MROH1: variants seen among roughly 807,000 people sequenced by gnomAD.
The protein encoded by MROH1 is maestro heat-like repeat-containing protein family member 1.
MROH1 carries 117 observed loss-of-function variants against 116.5 expected under a neutral mutation model. That is an observed-to-expected ratio of 1.00 (90% CI 0.86 to 1.17). The LOEUF (loss-of-function observed/expected upper bound fraction) is 1.17. MROH1 is among the 50% of genes most tolerant of loss of function. MROH1 has a pLI of 0.00. For missense variants in MROH1, 1,873 were observed against 1,338.5 expected (o/e 1.40, Z -6.23); for synonymous variants, 921 against 583.9 (o/e 1.58, Z -8.32).
chr8:144,260,652 G>C lies in MROH1; in HGVS notation c.4381-25G>C, dbSNP rs915982042. The C allele has an allele frequency of 1.2e-5, 9 of 776,500 alleles. No individual in the cohort carries two copies. The Admixed American group carries it at 1.2e-4, about 10-fold the overall frequency. 48.1% of individuals were successfully genotyped at this position (776,500 alleles called of 1,614,324 possible). ...CCTGCAGGGGCACAGCCTGTGAGGAGACGTATGCTGCATGTCCTTCCCAGG... is the reference window on the plus strand; with the variant it reads ...CCTGCAGGGGCACAGCCTGTGAGGACACGTATGCTGCATGTCCTTCCCAGG... On this transcript the variant is annotated intron_variant, in intron 39 of 43. Coordinates refer to ENST00000326134, the MANE Select transcript of MROH1 (RefSeq NM_032450.3).
rs1323197798 is a variant in MROH1, at chr8:144,190,980, TCTC to T, written c.714+50_714+52del. 3 of 1,568,958 alleles carry T rather than the reference TCTC, an allele frequency of 1.9e-6. No individual in the cohort carries two copies. The Admixed American group carries it at 5.3e-5, about 28-fold the overall frequency. On this transcript the variant is annotated intron_variant, in intron 8 of 43. Coordinates refer to ENST00000326134, the MANE Select transcript of MROH1 (RefSeq NM_032450.3). The stretch of plus-strand genomic sequence containing the variant: ...CAGTCCACGCCTGATGCCAGGGCTC[TCTC>T]CTCCCCACATTCCCTGCCCGTGGCA...
chr8:144,163,820 C>G lies in MROH1; in HGVS notation c.-7C>G, dbSNP rs779590236. ...CACACTGGGTGAAGGAAGCTGAAAC[C>G]ACAGACATGACTGAGTCCTCCATGA... On this transcript the variant is annotated 5_prime_UTR_variant, in exon 3 of 44. Transcript: ENST00000326134. This position sits in a 1 kb window ranked among gnomAD's most constrained non-coding sequence, Gnocchi z 4.4. 2.5e-6 allele frequency: 4 copies of G among 1,613,480 alleles called. No individual in the cohort carries two copies. The highest frequency in any genetic ancestry group is 3.4e-6 in the Non-Finnish European group (4 of 1,179,618).
chr8:144,185,514 C>T (rs1478060693), intron 7 of MROH1, among the ~76,000 whole-genome samples: 1 of 105,360 alleles, frequency 9.5e-6, no homozygotes, highest in African/African-American at 3.6e-5. Flanking sequence ...AGGGGTGGCG[C>T]GGGGACCGCG....
At chr8:144,155,702 C>G (rs1817879501) in intron 1 of MROH1, among the ~76,000 whole-genome samples, 1 of 148,040 alleles carries the variant, frequency 6.8e-6, no homozygotes, top group Non-Finnish European at 1.5e-5. Context: ...TGCACGATCT[C>G]AGCTCACTGC....
intron 7 of MROH1, among the ~76,000 whole-genome samples, chr8:144,189,783 G>A (rs556578669): frequency 3.7e-4 from 56 of 152,276 alleles, no homozygotes; most frequent in African/African-American, 1.3e-3. Context: ...AGAATGTGTG[G>A]CACAAGTCTG....
At chr8:144,185,697 G>A (rs1354258484) in intron 7 of MROH1, among the ~76,000 whole-genome samples, 1 of 53,630 alleles carries the variant, frequency 1.9e-5, no homozygotes. Flanking sequence ...GCAGTGCGGG[G>A]ACCGTGGGGG....
chr8:144,210,698 CTCTA>C (rs965249974), intron 12 of MROH1, among the ~76,000 whole-genome samples: 15 of 103,928 alleles, frequency 1.4e-4, no homozygotes, highest in Non-Finnish European at 3.1e-4. Context: ...CTCTCTCTCT[CTCTA>C]TCTCTCTATA....
chr8:144,241,240 C>T (rs908765400), intron 21 of MROH1, 129 bp downstream of exon 21: 9 of 689,864 alleles, frequency 1.3e-5, no homozygotes, highest in Non-Finnish European at 2.1e-5. Flanking sequence ...AGGTGGTGTG[C>T]GTATATGCAG....
rs538203440 is a variant in MROH1 at position 144,256,336 on chromosome 8, C to T, written c.3791+631C>T. ...GGGCTCTGGTTCCATCCCACCCAGG[C>T]GCCCAGGTTTGGGTGTGCACCTTGG... On this transcript the variant is annotated intron_variant, in intron 35 of 43. Transcript: ENST00000326134. 9.3e-5 allele frequency among the ~76,000 whole-genome samples: 14 copies of T among 150,670 alleles called. 1 individual carries two copies. In the South Asian group the frequency reaches 1.2e-3, roughly 13 times the overall value.
chr8:144,164,402 C>T (rs76577170), intron 3 of MROH1, among the ~76,000 whole-genome samples: 3 of 147,348 alleles, frequency 2.0e-5, no homozygotes, highest in African/African-American at 2.6e-5. Flanking sequence ...GAGACTCGGT[C>T]CCCCCAAAAA....
chr8:144,200,573 C>T (rs772282612), intron 12 of MROH1, 32 bp downstream of exon 12: 23 of 1,463,686 alleles, frequency 1.6e-5, no homozygotes, highest in Non-Finnish European at 1.1e-5. Flanking sequence ...TGGCCGCCAC[C>T]CCTGGCCATG....
chr8:144,254,889 A>C lies in MROH1; in HGVS notation c.3505A>C (p.Lys1169Gln). The change falls in exon 34 of 44, where the codon AAG (lysine) becomes CAG (glutamine). Residue 1169 changes from lysine to glutamine, a missense_variant. By Grantham distance (53) the Lys-to-Gln change is moderately conservative. Coordinates refer to ENST00000326134, the MANE Select transcript of MROH1 (RefSeq NM_032450.3). ...CCAGGTCCTGGGGCTGCTGCTGGAG[A>C]AGATGAGTAGGGACGTCCCTTTCAA... ...AAQVLGLLLE[K>Q]MSRDVPFKES... is the part of the protein sequence containing the mutation. 1 of 777,774 alleles carries C rather than the reference A, an allele frequency of 1.3e-6. No homozygotes were observed. The allele number at this position is 777,774 out of a possible 1,614,324, so 48.2% of individuals were successfully genotyped here.
intron 7 of MROH1, among the ~76,000 whole-genome samples, chr8:144,181,810 GTC>G (rs1292848625): frequency 2.6e-5 from 4 of 152,294 alleles, no homozygotes; most frequent in Middle Eastern, 3.4e-3. Context: ...TGGGGCGCCT[GTC>G]TCTGTGCTGC....
At position 144,260,899 on chromosome 8, in the gene MROH1, T is replaced by C; in HGVS notation, c.4537-8T>C. On this transcript the variant is annotated splice_polypyrimidine_tract_variant and splice_region_variant and intron_variant, in intron 40 of 43. Transcript: ENST00000326134. ...AACTGGACTTGGCCCCAGTGCCGCA[T>C]CCCTTAGGCCTGCAGGTTTGCCCTG... is the stretch of plus-strand genomic sequence containing the variant. The C allele has an allele frequency of 1.3e-6, 1 of 777,590 alleles. No individual in the cohort carries two copies. 48.2% of individuals were successfully genotyped at this position (777,590 alleles called of 1,614,324 possible). A position where few individuals can be genotyped will look rare whatever the true frequency, so the allele number is the denominator to read the frequency against.
At chr8:144,159,331 CT>C (rs1179973835) in intron 1 of MROH1, among the ~76,000 whole-genome samples, 1 of 152,172 alleles carries the variant, frequency 6.6e-6, no homozygotes, top group Non-Finnish European at 1.5e-5. Context: ...GTACTCCAGC[CT>C]GGGCGACAAA....
chr8:144,229,049 C>T (rs1329899322), intron 14 of MROH1, among the ~76,000 whole-genome samples: 1 of 152,190 alleles, frequency 6.6e-6, no homozygotes. Context: ...GAAACACTAC[C>T]TCATCCATTC....
chr8:144,181,504 C>T (rs546981756), intron 7 of MROH1, among the ~76,000 whole-genome samples: 3 of 152,172 alleles, frequency 2.0e-5, no homozygotes, highest in South Asian at 2.1e-4. Context: ...TCAGCCCTTG[C>T]GCTCCGTCTC....
At chr8:144,153,066 C>G (rs1817231170) in intron 1 of MROH1, among the ~76,000 whole-genome samples, 1 of 152,204 alleles carries the variant, frequency 6.6e-6, no homozygotes, top group African/African-American at 2.4e-5. Context: ...TACTCTGCTT[C>G]TAGGAGTTCA....
chr8:144,256,889 C>T (rs1843940361), intron 35 of MROH1, among the ~76,000 whole-genome samples: 1 of 152,250 alleles, frequency 6.6e-6, no homozygotes, highest in Admixed American at 6.5e-5. Context: ...GAGCGCAGCC[C>T]CTGGTCCAGA....
Sources: gnomAD v4.1 joint callset for allele counts (sites outside exome capture counted in the v4.1 genomes callset) on GRCh38, gnomAD v4.1.1 for gene constraint, Gnocchi (gnomAD v3.1) non-coding constraint, MANE v1.5 for transcripts, NCBI Gene and HGNC (gene_info 2026-07-23, HGNC 2026-07-21) for gene names.